FRMD6: variants seen among roughly 807,000 people sequenced by gnomAD.
FRMD6 encodes the protein FERM domain-containing protein 6.
FRMD6 carries 37 observed loss-of-function variants against 73.2 expected under a neutral mutation model. The ratio of observed to expected loss-of-function variants is 0.51; its 90% CI spans 0.39 to 0.66. FRMD6 has a LOEUF of 0.66. Among genes scored for constraint, FRMD6 ranks in the 30% least tolerant of loss-of-function variants. The pLI, the probability that FRMD6 is intolerant of heterozygous loss-of-function variation, is 0.00. For missense variants in FRMD6, 714 were observed against 780.5 expected, an observed-to-expected ratio of 0.91 and a Z score of 1.02; for synonymous variants, 273 against 282.2, an observed-to-expected ratio of 0.97 and a Z score of 0.33.
rs550087590 is a variant in FRMD6, at chr14:51,609,690, G to T, written c.-147+39280G>T. On this transcript the variant is annotated intron_variant, in intron 2 of 14. Coordinates refer to the FRMD6 transcript ENST00000356218. ...CTGGAATTTAATGTTCACTGAGTAA[G>T]GGGAGATGGGGGAGAGCCGACTGGC... 7.6e-4 allele frequency among the ~76,000 whole-genome samples: 116 copies of T among 152,316 alleles called. 1 individual carries two copies. Among genetic ancestry groups the T allele is most frequent in the South Asian group, 4.1e-3 (20 of 4,820 alleles).
the FRMD6 span, among the ~76,000 whole-genome samples, chr14:51,450,391 T>G: frequency 6.6e-6 from 1 of 152,192 alleles, no homozygotes; most frequent in Admixed American, 6.5e-5. Context: ...GGTTTCTTGT[T>G]TACCCTAAAC....
chr14:51,468,256 G>C, the FRMD6 span, among the ~76,000 whole-genome samples: 60 of 149,720 alleles, frequency 4.0e-4, no homozygotes, highest in African/African-American at 1.4e-3. Context: ...GTCCAGCCTC[G>C]GCTCGGCATC....
chr14:51,535,409 A>G (rs1807568753), intron 1 of FRMD6, among the ~76,000 whole-genome samples: 1 of 152,190 alleles, frequency 6.6e-6, no homozygotes. Context: ...TCTGCTCTAT[A>G]GATTTGCCTA....
the FRMD6 span, among the ~76,000 whole-genome samples, chr14:51,473,277 C>G: frequency 6.6e-6 from 1 of 152,218 alleles, no homozygotes; most frequent in Admixed American, 6.5e-5. Context: ...GGTTCTAATT[C>G]ATGGCCTATC....
intron 8 of FRMD6, 49 bp from the exon 9 acceptor site, chr14:51,712,434 A>G (rs747126195): frequency 2.7e-6 from 3 of 1,121,056 alleles, no homozygotes; most frequent in East Asian, 4.7e-5. Context: ...GCCATTTTAC[A>G]GTATCTATCA....
At chr14:51,659,857 A>G (rs1893090143) in intron 1 of FRMD6, among the ~76,000 whole-genome samples, 1 of 152,238 alleles carries the variant, frequency 6.6e-6, no homozygotes, top group Non-Finnish European at 1.5e-5. Context: ...AATGTGGGTC[A>G]GAACCATTTG....
rs142994809 is a variant in FRMD6 at position 51,704,011 on chromosome 14, G to C, written c.372-738G>C. Among the ~76,000 whole-genome samples, 538 of 152,158 alleles carry C rather than the reference G, an allele frequency of 3.5e-3. 2 individuals carry two copies. Among genetic ancestry groups the C allele is most frequent in the Middle Eastern group, 0.024 (7 of 294 alleles). ...TTTCTTAACGTATTTAATGATGACT[G>C]TATTTATTTCTGATCTCAAGAGATT... On this transcript the variant is annotated intron_variant, in intron 5 of 13. Coordinates refer to ENST00000344768, the MANE Select transcript of FRMD6 (RefSeq NM_001267046.2).
chr14:51,504,476 G>A (rs1252183362), intron 1 of FRMD6, among the ~76,000 whole-genome samples: 1 of 152,132 alleles, frequency 6.6e-6, no homozygotes. Context: ...CTTTTTTTGT[G>A]CTGGCTGGAG....
In FRMD6 at chr14:51,645,403, C is replaced by T. The variant is rs73292733; in HGVS notation, c.-146-44288C>T. On this transcript the variant is annotated intron_variant, in intron 2 of 14. Transcript: ENST00000356218. ...AAGTCCTTTAGCCTCAGTGAACTTCCCATGAAATTCCAGAGCTAGGAGAGC... is the reference window on the plus strand; with the variant it reads ...AAGTCCTTTAGCCTCAGTGAACTTCTCATGAAATTCCAGAGCTAGGAGAGC... Among the ~76,000 whole-genome samples the T allele has an allele frequency of 8.2e-3, 1,246 of 152,162 alleles. 17 individuals carry two copies. The highest frequency in any genetic ancestry group is 0.028 in the African/African-American group (1,174 of 41,504).
intron 1 of FRMD6, among the ~76,000 whole-genome samples, chr14:51,659,674 C>T (rs888745805): frequency 6.6e-6 from 1 of 152,196 alleles, no homozygotes; most frequent in African/African-American, 2.4e-5. Flanking sequence ...TTAAAATTCT[C>T]CTTACGGTGA....
At chr14:51,708,500 T>C (rs1045122136) in intron 7 of FRMD6, among the ~76,000 whole-genome samples, 13 of 152,098 alleles carry the variant, frequency 8.5e-5, no homozygotes, top group Admixed American at 7.2e-4. Flanking sequence ...TAATCTGACT[T>C]TTTTAGTGAT....
chr14:51,396,452 C>T, the FRMD6 span, among the ~76,000 whole-genome samples: 73 of 152,092 alleles, frequency 4.8e-4, 1 homozygote, highest in African/African-American at 1.6e-3. Flanking sequence ...CCATGGCCTA[C>T]GACCTGCAAG....
chr14:51,577,650 G>A (rs551463151), intron 2 of FRMD6, among the ~76,000 whole-genome samples: 3 of 152,248 alleles, frequency 2.0e-5, no homozygotes, highest in Non-Finnish European at 4.4e-5. Flanking sequence ...ACTCTGCATG[G>A]AAAGTAGGAG....
chr14:51,464,855 G>T, the FRMD6 span, among the ~76,000 whole-genome samples: 12 of 152,234 alleles, frequency 7.9e-5, no homozygotes, highest in South Asian at 1.5e-3. Flanking sequence ...GGGGCTGGAG[G>T]GTTGCTCTGT....
chr14:51,629,115 G>A (rs1275153757), intron 2 of FRMD6, among the ~76,000 whole-genome samples: 1 of 152,028 alleles, frequency 6.6e-6, no homozygotes, highest in African/African-American at 2.4e-5. Flanking sequence ...TCCTGATCTT[G>A]TGATCCGCCC....
intron 1 of FRMD6, among the ~76,000 whole-genome samples, chr14:51,671,585 C>T (rs765735212): frequency 6.6e-6 from 1 of 152,006 alleles, no homozygotes; most frequent in Non-Finnish European, 1.5e-5. Flanking sequence ...TGAAAAGAAC[C>T]CCTCTCAAAG....
intron 2 of FRMD6, among the ~76,000 whole-genome samples, chr14:51,693,986 G>A (rs1351576394): frequency 6.6e-6 from 1 of 152,182 alleles, no homozygotes; most frequent in East Asian, 1.9e-4. Context: ...GAGTTTGAGT[G>A]TAATAAATTA....
chr14:51,599,877 G>A (rs575099890), intron 2 of FRMD6: 29 of 147,838 alleles, frequency 2.0e-4, no homozygotes, highest in African/African-American at 7.0e-4. Flanking sequence ...CATCTAGTGT[G>A]GCCTCTGAGT....
At chr14:51,494,571 A>C (rs1235398624) in intron 1 of FRMD6, among the ~76,000 whole-genome samples, 1 of 152,238 alleles carries the variant, frequency 6.6e-6, no homozygotes, top group African/African-American at 2.4e-5. Context: ...GGCAAAGCCC[A>C]TGCCACAGCT....
Sources: gnomAD v4.1 joint callset for allele counts (sites outside exome capture counted in the v4.1 genomes callset) on GRCh38, gnomAD v4.1.1 for gene constraint, MANE v1.5 for transcripts, NCBI Gene and HGNC (gene_info 2026-07-23, HGNC 2026-07-21) for gene names.